Variants in MIIP observed in about 807,000 individuals in gnomAD.
The protein encoded by MIIP is migration and invasion inhibitory protein.
MIIP carries 44 observed loss-of-function variants against 44.8 expected under a neutral mutation model. That is an observed-to-expected ratio of 0.98 (90% CI 0.77 to 1.26). The LOEUF is 1.26. Ranked by LOEUF, MIIP falls within the 50% of genes most tolerant of loss-of-function variation. The pLI, the probability that MIIP is intolerant of heterozygous loss-of-function variation, is 0.00. For synonymous variants in MIIP, 225 were observed against 218.3 expected, an observed-to-expected ratio of 1.03 and a Z score of -0.27; for missense variants, 496 against 511.7, an observed-to-expected ratio of 0.97 and a Z score of 0.30.
intron 4 of MIIP, among the ~76,000 whole-genome samples, chr1:12,027,006 CTT>C (rs752323245): frequency 7.7e-5 from 10 of 129,480 alleles, no homozygotes; most frequent in Non-Finnish European, 9.6e-5. Flanking sequence ...TTTTCTTTTT[CTT>C]TTTTTTTTTT....
At chr1:12,027,653 T>A (rs1263420272) in intron 4 of MIIP, among the ~76,000 whole-genome samples, 1 of 152,178 alleles carries the variant, frequency 6.6e-6, no homozygotes. Flanking sequence ...CTGAGGTGTT[T>A]GGACACTTTC....
chr1:12,029,931 G>C, intron 7 of MIIP, 37 bp downstream of exon 7: 1 of 1,610,508 alleles, frequency 6.2e-7, no homozygotes, highest in Non-Finnish European at 8.5e-7. Flanking sequence ...TTGGGGGACA[G>C]AGCCTGAACC....
At chr1:12,026,949 A>C (rs1640116079) in intron 4 of MIIP, among the ~76,000 whole-genome samples, 1 of 151,756 alleles carries the variant, frequency 6.6e-6, no homozygotes, top group African/African-American at 2.4e-5. Context: ...CCTCTTCAAA[A>C]GGGCTGTCTA....
At chr1:12,023,057 C>CT in intron 4 of MIIP, 140 bp downstream of exon 4, 27 of 522,066 alleles carry the variant, frequency 5.2e-5, no homozygotes, top group South Asian at 1.1e-4. Flanking sequence ...GGGGAGCACC[C>CT]TCTTTTTTTT....
chr1:12,022,716 C>A, intron 3 of MIIP, 117 bp from the exon 4 acceptor site: 1 of 831,308 alleles, frequency 1.2e-6, no homozygotes, highest in Non-Finnish European at 1.9e-6. Flanking sequence ...TTGGCTGAGC[C>A]CTGGGCTGCA....
intron 4 of MIIP, among the ~76,000 whole-genome samples, chr1:12,026,588 CCT>C (rs1640108811): frequency 6.6e-6 from 1 of 152,214 alleles, no homozygotes; most frequent in Admixed American, 6.5e-5. Context: ...TGATCCTCTC[CCT>C]CTCTGTCCTG....
At chr1:12,029,524 A>C in intron 6 of MIIP, 1 of 685,896 alleles carries the variant, frequency 1.5e-6, no homozygotes, top group Non-Finnish European at 2.4e-6. Flanking sequence ...CCTCCCCAGC[A>C]GTGCCCCTGT....
At chr1:12,028,691 T>G (rs1640156205) in intron 4 of MIIP, 4 of 208,636 alleles carry the variant, frequency 1.9e-5, no homozygotes, top group Non-Finnish European at 3.9e-5. Flanking sequence ...TTTTTTTTGG[T>G]GGCTAGTTCA....
intron 4 of MIIP, among the ~76,000 whole-genome samples, chr1:12,026,646 A>G (rs749311746): frequency 2.0e-5 from 3 of 152,180 alleles, no homozygotes; most frequent in South Asian, 2.1e-4. Flanking sequence ...TGCAGGAAGC[A>G]TTCTGGGAGC....
Position 12,030,125 on chromosome 1 carries a change from G to A in MIIP, c.942+1G>A. ...CTCTGACACACTGGCCCTGCCCCGG[G>A]TGAGCAGCCACGTGGGGCTGGATGG... On this transcript the variant is annotated splice_donor_variant, in intron 8 of 9. Transcript: ENST00000235332. LOFTEE classifies it high-confidence loss of function. The A allele has an allele frequency of 2.5e-6, 4 of 1,612,388 alleles. No homozygotes were observed. The highest frequency in any genetic ancestry group is 3.4e-6 in the Non-Finnish European group (4 of 1,179,878).
At chr1:12,024,650 A>T (rs1300626151) in intron 4 of MIIP, among the ~76,000 whole-genome samples, 2 of 152,118 alleles carry the variant, frequency 1.3e-5, no homozygotes, top group Admixed American at 1.3e-4. Context: ...ACCTCAGGCG[A>T]TCCGCCCGCC....
At chr1:12,023,013 T>A in intron 4 of MIIP, 96 bp downstream of exon 4, 1 of 944,814 alleles carries the variant, frequency 1.1e-6, no homozygotes, top group Non-Finnish European at 1.6e-6. Flanking sequence ...CACCCGGTGC[T>A]GTTGCTTGTT....
At chr1:12,020,259 G>A (rs1168684680) in intron 1 of MIIP, among the ~76,000 whole-genome samples, 1 of 152,190 alleles carries the variant, frequency 6.6e-6, no homozygotes, top group South Asian at 2.1e-4. Context: ...TAAAAAGAAA[G>A]TGAAGGAGGA....
At chr1:12,031,618 G>A (rs946501653) in intron 9 of MIIP, 104 bp from the exon 10 acceptor site, 3 of 1,612,738 alleles carry the variant, frequency 1.9e-6, no homozygotes, top group Non-Finnish European at 1.7e-6. Context: ...CTCCACCCAG[G>A]AAGGCCACCC....
chr1:12,031,861 C>G lies in MIIP; in HGVS notation c.*53C>G, dbSNP rs1044117. On this transcript the variant is annotated 3_prime_UTR_variant, in exon 10 of 10. Coordinates refer to ENST00000235332, the MANE Select transcript of MIIP (RefSeq NM_021933.4). ...TCCCGCCGCCTCCAGCCTCTCCCCTCTGGCAGGCGCACCCAGGAGATGGAA... is the reference window on the plus strand; with the variant it reads ...TCCCGCCGCCTCCAGCCTCTCCCCTGTGGCAGGCGCACCCAGGAGATGGAA... The G allele has an allele frequency of 1.3e-6, 2 of 1,541,718 alleles. No individual in the cohort carries two copies. The highest frequency in any genetic ancestry group is 1.8e-6 in the Non-Finnish European group (2 of 1,120,126).
At chr1:12,029,689 C>A in intron 6 of MIIP, 76 bp from the exon 7 acceptor site, 1 of 1,548,754 alleles carries the variant, frequency 6.5e-7, no homozygotes, top group South Asian at 1.2e-5. Context: ...GGTTGGGGGC[C>A]GCTGAGGGCA....
chr1:12,028,710 C>T (rs1442171893), intron 4 of MIIP: 3 of 255,870 alleles, frequency 1.2e-5, no homozygotes, highest in South Asian at 8.4e-5. Context: ...CATCTCTTGC[C>T]ACCTTACAGT....
chr1:12,028,806 A>T, intron 4 of MIIP: 1 of 564,122 alleles, frequency 1.8e-6, no homozygotes, highest in South Asian at 2.0e-5. Context: ...GGCTCTGTCG[A>T]TATTTTTTCC....
intron 4 of MIIP, chr1:12,028,718 A>C: frequency 3.6e-6 from 1 of 281,328 alleles, no homozygotes; most frequent in African/African-American, 2.2e-5. Context: ...GCCACCTTAC[A>C]GTGTAAGCCT....
Sources: gnomAD v4.1 joint callset for allele counts (sites outside exome capture counted in the v4.1 genomes callset) on GRCh38, gnomAD v4.1.1 for gene constraint, MANE v1.5 for transcripts, NCBI Gene and HGNC (gene_info 2026-07-23, HGNC 2026-07-21) for gene names.